The following KIAA1958 variants were observed in gnomAD, a reference collection of about 807,000 sequenced individuals.
KIAA1958 encodes KIAA1958.
Under a neutral mutation model 47.2 loss-of-function variants are expected in KIAA1958, and 14 were observed. The ratio of observed to expected loss-of-function variants is 0.30; its 90% CI spans 0.20 to 0.46. The LOEUF (loss-of-function observed/expected upper bound fraction) is 0.46, where lower values mean the gene tolerates loss of function less well. Among genes scored for constraint, KIAA1958 ranks in the 20% least tolerant of loss-of-function variants. The pLI is 1.00. For synonymous variants in KIAA1958, 354 were observed against 353.3 expected (o/e 1.00, Z -0.02); for missense variants, 803 against 909.2 (o/e 0.88, Z 1.50).
At chr9:112,626,593 G>A (rs1836615984) in intron 2 of KIAA1958, among the ~76,000 whole-genome samples, 1 of 151,998 alleles carries the variant, frequency 6.6e-6, no homozygotes, top group Admixed American at 6.6e-5. Context: ...TGATTTTTAT[G>A]TCCATTTATT....
chr9:112,505,890 G>C (rs914134127), intron 1 of KIAA1958, among the ~76,000 whole-genome samples: 2 of 152,116 alleles, frequency 1.3e-5, no homozygotes, highest in African/African-American at 4.8e-5. Flanking sequence ...TAAAAAGTTC[G>C]ACTTAAGCTG....
At chr9:112,620,523 C>G (rs1836486045) in intron 2 of KIAA1958, among the ~76,000 whole-genome samples, 1 of 152,232 alleles carries the variant, frequency 6.6e-6, no homozygotes, top group Admixed American at 6.5e-5. Flanking sequence ...AGACCCGTTC[C>G]TCTAAGCTGT....
At chr9:112,544,580 G>A (rs1834997920) in intron 1 of KIAA1958, among the ~76,000 whole-genome samples, 1 of 152,142 alleles carries the variant, frequency 6.6e-6, no homozygotes, top group South Asian at 2.1e-4. Flanking sequence ...TTAGGGGGCA[G>A]CCCCCAGTTG....
chr9:112,620,220 A>G (rs1433314718), intron 2 of KIAA1958, among the ~76,000 whole-genome samples: 1 of 152,224 alleles, frequency 6.6e-6, no homozygotes, highest in Non-Finnish European at 1.5e-5. Context: ...AAATAAATTT[A>G]GACTTTAGAG....
intron 3 of KIAA1958, among the ~76,000 whole-genome samples, chr9:112,653,824 C>T (rs963326678): frequency 6.6e-6 from 1 of 152,066 alleles, no homozygotes; most frequent in African/African-American, 2.4e-5. Context: ...CGCTTGAACC[C>T]GGGAGGTGGA....
At chr9:112,632,908 CTT>C (rs5900008) in intron 2 of KIAA1958, among the ~76,000 whole-genome samples, 5,318 of 143,000 alleles carry the variant, frequency 0.037, 139 homozygotes, top group East Asian at 0.11. Flanking sequence ...TGGAAACAGC[CTT>C]TTTTTTTTTT....
At position 112,645,632 on chromosome 9, in the gene KIAA1958, T is replaced by TA; in HGVS notation, c.1172-17dup. ...GAATGGCAAATTATTTTAATGCTTT[T>TA]ATTGTTTTTATTTCTAGCTTATTCC... is the stretch of plus-strand genomic sequence containing the variant. On this transcript the variant is annotated splice_polypyrimidine_tract_variant and intron_variant, in intron 2 of 3. Transcript: ENST00000337530. The TA allele has an allele frequency of 6.5e-7, 1 of 1,537,690 alleles. No individual in the cohort carries two copies. Among genetic ancestry groups the TA allele is most frequent in the Non-Finnish European group, 8.9e-7 (1 of 1,122,332 alleles).
At position 112,562,851 on chromosome 9, in the gene KIAA1958, A is replaced by T. The variant is rs79163915; in HGVS notation, c.-24-11206A>T. The stretch of plus-strand genomic sequence containing the variant: ...TTTTTTTTTTTTTTCCTTTTTGTGG[A>T]GATGGAGTCTTGCTATGTCATCTAG... On this transcript the variant is annotated intron_variant, in intron 1 of 3. Transcript: ENST00000337530. Among the ~76,000 whole-genome samples, 841 of 146,530 alleles carry T rather than the reference A, an allele frequency of 5.7e-3. 45 individuals are homozygous for T. In the East Asian group the frequency reaches 0.084, roughly 15 times the overall value.
intron 3 of KIAA1958, among the ~76,000 whole-genome samples, chr9:112,651,798 G>A (rs1588054623): frequency 6.6e-6 from 1 of 152,174 alleles, no homozygotes; most frequent in Admixed American, 6.5e-5. Flanking sequence ...AAATCACAAA[G>A]GAAGTTATAA....
At chr9:112,496,940 T>C (rs993224778) in intron 1 of KIAA1958, among the ~76,000 whole-genome samples, 10 of 152,242 alleles carry the variant, frequency 6.6e-5, no homozygotes, top group Non-Finnish European at 1.0e-4. Context: ...TGCCTACTTA[T>C]CTGTTGTCCA....
chr9:112,620,063 T>C (rs2131218653), intron 2 of KIAA1958, among the ~76,000 whole-genome samples: 1 of 152,376 alleles, frequency 6.6e-6, no homozygotes, highest in Middle Eastern at 3.4e-3. Flanking sequence ...GCGAGATTTT[T>C]CTATAGTAAA....
At chr9:112,655,999 G>C (rs1837143917) in intron 3 of KIAA1958, among the ~76,000 whole-genome samples, 1 of 152,126 alleles carries the variant, frequency 6.6e-6, no homozygotes, top group Non-Finnish European at 1.5e-5. Flanking sequence ...TGTCTGGTGG[G>C]AAAGGAGGGA....
chr9:112,509,654 A>C (rs1211292510), intron 1 of KIAA1958, among the ~76,000 whole-genome samples: 1 of 152,336 alleles, frequency 6.6e-6, no homozygotes, highest in East Asian at 1.9e-4. Flanking sequence ...ATTTATCACC[A>C]TTTCCAGGAA....
intron 1 of KIAA1958, among the ~76,000 whole-genome samples, chr9:112,523,944 T>G (rs780551548): frequency 1.3e-5 from 2 of 152,236 alleles, no homozygotes; most frequent in Non-Finnish European, 1.5e-5. Context: ...TAGTGGCTCT[T>G]CTAGCCAACT....
intron 2 of KIAA1958, chr9:112,619,083 A>G: frequency 5.1e-6 from 3 of 588,004 alleles, no homozygotes; most frequent in Non-Finnish European, 6.7e-6. Context: ...GAGATAATTT[A>G]GTATTACTAA....
At chr9:112,558,612 G>T (rs1481392617) in intron 1 of KIAA1958, among the ~76,000 whole-genome samples, 3 of 152,158 alleles carry the variant, frequency 2.0e-5, no homozygotes, top group Non-Finnish European at 4.4e-5. Flanking sequence ...GCCTATTTCA[G>T]AGTTTCTAAA....
At position 112,600,136 on chromosome 9, in the gene KIAA1958, C is replaced by G. The variant is rs1013255278; in HGVS notation, c.1171+24885C>G. On this transcript the variant is annotated intron_variant, in intron 2 of 3. Transcript: ENST00000337530. ...TTCTCTTGTTCTACTCTTCTTTCAC[C>G]TTGGCTGTAGCACAGAATGCTTAAT... Among the ~76,000 whole-genome samples, 5 of 152,164 alleles carry G rather than the reference C, an allele frequency of 3.3e-5. No individual in the cohort carries two copies. The East Asian group carries it at 7.7e-4, about 23-fold the overall frequency.
intron 1 of KIAA1958, among the ~76,000 whole-genome samples, chr9:112,568,935 C>CAAAAAAAAAAAAAAAAAAAAA (rs1835481168): frequency 3.5e-4 from 1 of 2,850 alleles, no homozygotes; most frequent in Non-Finnish European, 6.3e-4. Flanking sequence ...AATAGGAAAA[C>CAAAAAAAAAAAAAAAAAAAAA]TAAAAAAAAA....
chr9:112,612,574 A>G (rs551587615), intron 2 of KIAA1958, among the ~76,000 whole-genome samples: 67 of 42,644 alleles, frequency 1.6e-3, no homozygotes, highest in South Asian at 5.5e-3. Context: ...AAAGCATTAA[A>G]TCTTCTAAAA....
Sources: allele counts gnomAD v4.1 joint callset (sites outside exome capture counted in the v4.1 genomes callset), GRCh38; gene constraint gnomAD v4.1.1; transcripts MANE v1.5; gene names NCBI Gene and HGNC (gene_info 2026-07-23, HGNC 2026-07-21).